CTNNA3: variants seen among roughly 807,000 people sequenced by gnomAD.
CTNNA3 encodes the protein catenin alpha-3.
Under a neutral mutation model 95.7 loss-of-function variants are expected in CTNNA3, and 76 were observed. The observed-to-expected ratio is 0.79, with a 90% CI of 0.66 to 0.96. The LOEUF is 0.96. Among genes scored for constraint, CTNNA3 ranks in the 40% least tolerant of loss-of-function variants. The pLI is 0.00. For missense variants in CTNNA3, 1,191 were observed against 1,089.8 expected, an observed-to-expected ratio of 1.09 and a Z score of -1.31; for synonymous variants, 431 against 374.4, an observed-to-expected ratio of 1.15 and a Z score of -1.74.
At chr10:66,171,789 G>A (rs2085446118) in intron 13 of CTNNA3, among the ~76,000 whole-genome samples, 1 of 151,974 alleles carries the variant, frequency 6.6e-6, no homozygotes, top group South Asian at 2.1e-4. Context: ...AAGAATGGCA[G>A]ACCCTGGATT....
chr10:66,123,642 GCAATA>G (rs1190976975), intron 13 of CTNNA3, among the ~76,000 whole-genome samples: 1 of 152,136 alleles, frequency 6.6e-6, no homozygotes, highest in Non-Finnish European at 1.5e-5. Flanking sequence ...TCCCCACCCT[GCAATA>G]AATTTCTGCC....
At chr10:66,557,387 A>T (rs1363348924) in intron 10 of CTNNA3, among the ~76,000 whole-genome samples, 1 of 152,150 alleles carries the variant, frequency 6.6e-6, no homozygotes, top group Non-Finnish European at 1.5e-5. Context: ...ACAGGTGATG[A>T]TAATGGTGTC....
intron 15 of CTNNA3, among the ~76,000 whole-genome samples, chr10:66,013,609 C>T (rs2079044249): frequency 6.6e-6 from 1 of 152,052 alleles, no homozygotes; most frequent in South Asian, 2.1e-4. Flanking sequence ...CAATGAAAAC[C>T]TTTTAGTCAT....
intron 10 of CTNNA3, among the ~76,000 whole-genome samples, chr10:66,616,399 C>G (rs1844514739): frequency 6.6e-6 from 1 of 152,084 alleles, no homozygotes; most frequent in Non-Finnish European, 1.5e-5. Context: ...TTGTATTTTG[C>G]CCCTCGGGGC....
intron 7 of CTNNA3, among the ~76,000 whole-genome samples, chr10:66,941,441 A>C (rs1158387987): frequency 6.6e-6 from 1 of 152,222 alleles, no homozygotes; most frequent in Non-Finnish European, 1.5e-5. Flanking sequence ...AGGTAATTTT[A>C]AGTAAAATTT....
rs1439293458 is a variant in CTNNA3, at chr10:67,692,055, CCGGGAGGGAGG to C, written c.-6+3934_-6+3944del. On this transcript the variant is annotated intron_variant, in intron 1 of 17. Coordinates refer to ENST00000433211, the MANE Select transcript of CTNNA3 (RefSeq NM_013266.4). ...CCCTCTGCCCGGCCAGCCGCCCCGT[CCGGGAGGGAGG>C]TGGGGGGGTCAGCCCCCCGCCCGGC... 2.8e-3 allele frequency among the ~76,000 whole-genome samples: 400 copies of C among 145,378 alleles called. 9 individuals carry two copies. Among genetic ancestry groups the C allele is most frequent in the African/African-American group, 9.5e-3 (369 of 38,994 alleles).
chr10:67,415,260 A>C (rs1483716958), intron 5 of CTNNA3, among the ~76,000 whole-genome samples: 1 of 152,178 alleles, frequency 6.6e-6, no homozygotes, highest in African/African-American at 2.4e-5. Context: ...AACCCTAAAG[A>C]CTGCTAAAAG....
At position 66,884,605 on chromosome 10, in the gene CTNNA3, C is replaced by G. The variant is rs143285596; in HGVS notation, c.1048-109081G>C. Among the ~76,000 whole-genome samples, 668 of 152,232 alleles carry G rather than the reference C, an allele frequency of 4.4e-3. 4 individuals are homozygous for G. The highest frequency in any genetic ancestry group is 0.015 in the African/African-American group (642 of 41,556). ...ACATAAACACAGCCCCAGTCAATGT[C>G]TTGACAGCAACTTCCTGAGAGATCC... On this transcript the variant is annotated intron_variant, in intron 7 of 17. Transcript: ENST00000433211.
chr10:66,787,476 G>A (rs561735201), intron 7 of CTNNA3, among the ~76,000 whole-genome samples: 2 of 152,188 alleles, frequency 1.3e-5, no homozygotes, highest in South Asian at 4.2e-4. Flanking sequence ...TCTCTATTGG[G>A]CTTTTCTCTT....
intron 11 of CTNNA3, among the ~76,000 whole-genome samples, chr10:66,518,737 T>C (rs937122691): frequency 3.9e-5 from 6 of 151,904 alleles, no homozygotes; most frequent in Non-Finnish European, 7.4e-5. Flanking sequence ...TATAAATATA[T>C]ATTAGAAAAA....
chr10:66,112,899 T>A (rs1306186767), intron 13 of CTNNA3, among the ~76,000 whole-genome samples: 1 of 152,174 alleles, frequency 6.6e-6, no homozygotes, highest in African/African-American at 2.4e-5. Flanking sequence ...TGTTTTCACA[T>A]CTTGGCTATC....
chr10:67,722,045 G>A (rs1841182407), intron 1 of CTNNA3, among the ~76,000 whole-genome samples: 1 of 152,172 alleles, frequency 6.6e-6, no homozygotes, highest in African/African-American at 2.4e-5. Flanking sequence ...GCCGGGAGCT[G>A]CAGACTGGAG....
chr10:66,317,691 T>A (rs199826554), intron 12 of CTNNA3, among the ~76,000 whole-genome samples: 3 of 50,040 alleles, frequency 6.0e-5, no homozygotes, highest in Non-Finnish European at 1.1e-4. Context: ...AAAAAAAATT[T>A]AAAATGAGAA....
chr10:66,442,313 C>A (rs1342641613), intron 11 of CTNNA3, among the ~76,000 whole-genome samples: 3 of 151,912 alleles, frequency 2.0e-5, no homozygotes, highest in African/African-American at 7.3e-5. Flanking sequence ...GAACCAACCC[C>A]CCATGGATAC....
chr10:66,141,392 A>G (rs888826827), intron 13 of CTNNA3, among the ~76,000 whole-genome samples: 1 of 152,196 alleles, frequency 6.6e-6, no homozygotes, highest in African/African-American at 2.4e-5. Flanking sequence ...AATTTACATT[A>G]AAGAATATTG....
At chr10:66,642,123 C>T (rs1029528037) in intron 9 of CTNNA3, among the ~76,000 whole-genome samples, 3 of 152,016 alleles carry the variant, frequency 2.0e-5, no homozygotes, top group African/African-American at 7.2e-5. Flanking sequence ...TCCAGATGTT[C>T]TTTGGGTCAG....
chr10:66,596,105 C>A (rs1161817639), intron 10 of CTNNA3, among the ~76,000 whole-genome samples: 1 of 152,002 alleles, frequency 6.6e-6, no homozygotes, highest in African/African-American at 2.4e-5. Context: ...TCATCCCACC[C>A]AGAATACTAA....
chr10:67,281,891 A>T (rs991742214), intron 5 of CTNNA3, among the ~76,000 whole-genome samples: 1 of 152,168 alleles, frequency 6.6e-6, no homozygotes, highest in Non-Finnish European at 1.5e-5. Context: ...TCCTTGGATT[A>T]TGCTTCCATA....
At chr10:66,021,626 C>T (rs1048553419) in intron 15 of CTNNA3, among the ~76,000 whole-genome samples, 3 of 152,072 alleles carry the variant, frequency 2.0e-5, no homozygotes, top group South Asian at 2.1e-4. Context: ...AAATATGGTA[C>T]TCCACAAGAG....
Sources: allele counts gnomAD v4.1 joint callset (sites outside exome capture counted in the v4.1 genomes callset), GRCh38; gene constraint gnomAD v4.1.1; transcripts MANE v1.5; gene names NCBI Gene and HGNC (gene_info 2026-07-23, HGNC 2026-07-21).